Variants in ABI3BP observed in about 807,000 individuals in gnomAD.
The protein encoded by ABI3BP is ABI family member 3 binding protein, also known as target of Nesh-SH3.
A neutral mutation model predicts 268.6 loss-of-function variants in ABI3BP; 216 were observed. The ratio of observed to expected loss-of-function variants is 0.80; its 90% CI spans 0.72 to 0.90. The LOEUF is 0.90. Ranked by LOEUF, ABI3BP falls within the 40% of genes least tolerant of loss-of-function variation. ABI3BP has a pLI of 0.00. For synonymous variants in ABI3BP, 730 were observed against 730.0 expected (o/e 1.00, Z 0.00); for missense variants, 2,090 against 2,182.4 (o/e 0.96, Z 0.84).
chr3:100,824,354 G>A (rs2098321999), intron 36 of ABI3BP, among the ~76,000 whole-genome samples: 1 of 152,104 alleles, frequency 6.6e-6, no homozygotes, highest in South Asian at 2.1e-4. Flanking sequence ...CAAGGTCCAA[G>A]TCCAGCCCAC....
intron 2 of ABI3BP, among the ~76,000 whole-genome samples, chr3:100,921,171 A>AC (rs1215107369): frequency 2.6e-5 from 4 of 152,120 alleles, no homozygotes; most frequent in Non-Finnish European, 4.4e-5. Context: ...AAACATTTGC[A>AC]CCCCATTGGA....
chr3:100,813,635 C>A, intron 45 of ABI3BP, 26 bp downstream of exon 45: 1 of 1,512,000 alleles, frequency 6.6e-7, no homozygotes, highest in South Asian at 1.2e-5. Flanking sequence ...CACAGTATAC[C>A]CAGACAGATA....
intron 63 of ABI3BP, among the ~76,000 whole-genome samples, chr3:100,760,741 A>G (rs938184608): frequency 1.3e-5 from 2 of 152,192 alleles, no homozygotes; most frequent in Admixed American, 1.3e-4. Context: ...AACTAAAGCT[A>G]ATCATAGTGG....
At chr3:100,850,603 A>G in intron 16 of ABI3BP, 57 bp downstream of exon 16, 1 of 1,316,982 alleles carries the variant, frequency 7.6e-7, no homozygotes, top group Non-Finnish European at 1.1e-6. Flanking sequence ...AAAGGCATTC[A>G]CATGATTTTT....
intron 1 of ABI3BP, among the ~76,000 whole-genome samples, chr3:100,967,757 G>A (rs2081935634): frequency 6.6e-6 from 1 of 152,018 alleles, no homozygotes; most frequent in African/African-American, 2.4e-5. Context: ...ATTAGTCTAG[G>A]AATAGAAATG....
At chr3:100,766,837 A>C (rs2096289924) in intron 62 of ABI3BP, among the ~76,000 whole-genome samples, 1 of 152,242 alleles carries the variant, frequency 6.6e-6, no homozygotes, top group South Asian at 2.1e-4. Flanking sequence ...ATATGAAGAA[A>C]TATGCAAGTA....
chr3:100,846,421 A>G lies in ABI3BP; in HGVS notation c.1674T>C (p.Ser558=). 1.2e-6 allele frequency: 2 copies of G among 1,600,898 alleles called. No homozygotes were observed. Among genetic ancestry groups the G allele is most frequent in the South Asian group, 1.1e-5 (1 of 88,156 alleles). The change falls in exon 20 of 68, where the codon TCT becomes TCC. Residue 558 remains serine (S), a synonymous_variant. Transcript: ENST00000471714. ...GGCTGAGAGGGATTTTAGGTTTCAG[A>G]GAAATAAATTGTGTTTTACCGGGAG... ...TPAPGKTQFI[S]LKPKIPLSPE...
chr3:100,811,593 G>A lies in ABI3BP; in HGVS notation c.3493+135C>T. The stretch of plus-strand genomic sequence containing the variant: ...TCACTTTAAGAATTCAAGAATGTTG[G>A]AAGCTGTAGCTCCTTCAAATCTGTT... On this transcript the variant is annotated intron_variant, in intron 47 of 67. Coordinates refer to ENST00000471714, the MANE Select transcript of ABI3BP (RefSeq NM_001375547.2). 3 of 852,204 alleles carry A rather than the reference G, an allele frequency of 3.5e-6. 1 individual carries two copies. The South Asian group carries it at 5.5e-5, about 16-fold the overall frequency. 52.8% of individuals were successfully genotyped at this position (852,204 alleles called of 1,614,324 possible).
chr3:100,945,229 T>C (rs928766764), intron 1 of ABI3BP, among the ~76,000 whole-genome samples: 5 of 152,112 alleles, frequency 3.3e-5, no homozygotes, highest in African/African-American at 9.7e-5. Context: ...GTCTCCCCAA[T>C]TGTACTTCAA....
intron 1 of ABI3BP, among the ~76,000 whole-genome samples, chr3:100,937,112 A>G (rs1430547630): frequency 1.3e-5 from 2 of 152,060 alleles, no homozygotes; most frequent in African/African-American, 4.8e-5. Flanking sequence ...CTTTTGGTTA[A>G]TATCATGAGT....
intron 1 of ABI3BP, among the ~76,000 whole-genome samples, chr3:100,955,849 A>G (rs1472246389): frequency 6.6e-6 from 1 of 152,174 alleles, no homozygotes; most frequent in East Asian, 1.9e-4. Context: ...CATTGAGTTT[A>G]CATTCTAGTG....
intron 29 of ABI3BP, among the ~76,000 whole-genome samples, chr3:100,833,635 A>C (rs1021356556): frequency 2.0e-5 from 3 of 152,186 alleles, no homozygotes; most frequent in African/African-American, 7.2e-5. Flanking sequence ...ACCTCTGTTC[A>C]AATAAAGGCA....
Position 100,864,094 on chromosome 3 carries a change from G to A in ABI3BP, c.1064-18C>T. 1 of 1,513,918 alleles carries A rather than the reference G, an allele frequency of 6.6e-7. No individual in the cohort carries two copies. The highest frequency in any genetic ancestry group is 8.9e-7 in the Non-Finnish European group (1 of 1,126,542). The allele number at this position is 1,513,918 out of a possible 1,614,324, so 93.8% of individuals were successfully genotyped here. Reference sequence around the variant, plus strand: ...GCTGAGAACTACAATAAAAAAGAGTGCAGTTAGCAACTCCTGGACTTGGGT... The same window carrying A: ...GCTGAGAACTACAATAAAAAAGAGTACAGTTAGCAACTCCTGGACTTGGGT... On this transcript the variant is annotated intron_variant, in intron 11 of 67. Transcript: ENST00000471714.
chr3:100,812,716 T>C (rs565897977), intron 45 of ABI3BP, among the ~76,000 whole-genome samples, 193 bp from the exon 46 acceptor site: 2 of 150,650 alleles, frequency 1.3e-5, no homozygotes, highest in African/African-American at 2.4e-5. Context: ...ACAACCTACT[T>C]TGTACATTCA....
chr3:100,966,433 G>T (rs1237457245), intron 1 of ABI3BP, among the ~76,000 whole-genome samples: 1 of 152,136 alleles, frequency 6.6e-6, no homozygotes, highest in Non-Finnish European at 1.5e-5. Flanking sequence ...TGTAAAAACA[G>T]CAGAGTTGAG....
At position 100,848,971 on chromosome 3, in the gene ABI3BP, C is replaced by T. The variant is rs1404980287; in HGVS notation, c.1502-96G>A. On this transcript the variant is annotated intron_variant, in intron 17 of 67. Transcript: ENST00000471714. Reference sequence around the variant, plus strand: ...TTGCAAACTCCAAGTACAAGAACTGCTTTATATTTCCTTGTATCCTTAGAA... The same window carrying T: ...TTGCAAACTCCAAGTACAAGAACTGTTTTATATTTCCTTGTATCCTTAGAA... 9.6e-6 allele frequency: 9 copies of T among 937,932 alleles called. No individual in the cohort carries two copies. In the East Asian group the frequency reaches 2.3e-4, roughly 24 times the overall value. 58.1% of individuals were successfully genotyped at this position (937,932 alleles called of 1,614,324 possible).
intron 40 of ABI3BP, 79 bp downstream of exon 40, chr3:100,820,141 T>C: frequency 1.6e-6 from 2 of 1,240,238 alleles, no homozygotes; most frequent in Non-Finnish European, 2.3e-6. Flanking sequence ...ACACAGGCCA[T>C]CACTCCCATC....
At chr3:100,842,073 C>T (rs1444689189) in intron 20 of ABI3BP, 34 bp from the exon 21 acceptor site, 6 of 1,490,106 alleles carry the variant, frequency 4.0e-6, no homozygotes, top group Admixed American at 3.9e-5. Flanking sequence ...AAAAGCAATG[C>T]TGAAGAGCAC....
At chr3:100,946,635 C>T (rs2072497613) in intron 1 of ABI3BP, among the ~76,000 whole-genome samples, 1 of 151,126 alleles carries the variant, frequency 6.6e-6, no homozygotes, top group African/African-American at 2.4e-5. Flanking sequence ...CTAAAAATAC[C>T]AAATTAACTG....
Sources: allele counts gnomAD v4.1 joint callset (sites outside exome capture counted in the v4.1 genomes callset), GRCh38; gene constraint gnomAD v4.1.1; transcripts MANE v1.5; gene names NCBI Gene and HGNC (gene_info 2026-07-23, HGNC 2026-07-21).